Variants in CAST observed in about 807,000 individuals in gnomAD.
The protein encoded by CAST is MIR583 host.
Under a neutral mutation model 119.6 loss-of-function variants are expected in CAST, and 76 were observed. The ratio of observed to expected loss-of-function variants is 0.64; its 90% confidence interval spans 0.53 to 0.77. The LOEUF is 0.77. Among genes scored for constraint, CAST ranks in the 30% least tolerant of loss-of-function variants. CAST has a pLI of 0.00. For missense variants in CAST, 953 were observed against 946.5 expected, an observed-to-expected ratio of 1.01 and a Z score of -0.09; for synonymous variants, 319 against 331.6, an observed-to-expected ratio of 0.96 and a Z score of 0.41.
the CAST span, among the ~76,000 whole-genome samples, chr5:96,495,123 A>C: frequency 0.015 from 1,110 of 75,370 alleles, 7 homozygotes; most frequent in African/African-American, 0.052. Context: ...AGACTGTCTC[A>C]AAAAAAAAAA....
intron 1 of CAST, among the ~76,000 whole-genome samples, chr5:96,550,968 A>T (rs778206379): frequency 4.1e-4 from 62 of 152,244 alleles, no homozygotes; most frequent in Non-Finnish European, 2.2e-4. Flanking sequence ...CACGGGGGGA[A>T]TGGAACCAAG....
intron 2 of CAST, among the ~76,000 whole-genome samples, chr5:96,683,058 G>A (rs1417883319): frequency 6.6e-6 from 1 of 152,120 alleles, no homozygotes; most frequent in African/African-American, 2.4e-5. Context: ...TCTTTGACTT[G>A]GGTTAGAAAG....
chr5:96,587,277 T>C (rs767370634), intron 1 of CAST, among the ~76,000 whole-genome samples: 4 of 152,148 alleles, frequency 2.6e-5, no homozygotes, highest in Non-Finnish European at 5.9e-5. Context: ...GCTCAGAAGG[T>C]CTATAGCATG....
the CAST span, among the ~76,000 whole-genome samples, chr5:96,464,191 A>G: frequency 6.6e-6 from 1 of 152,064 alleles, no homozygotes; most frequent in East Asian, 1.9e-4. Flanking sequence ...AGAAAAAAAA[A>G]CTACAGAAAA....
chr5:96,079,272 A>G, the CAST span: 5 of 351,284 alleles, frequency 1.4e-5, no homozygotes, highest in East Asian at 3.9e-4. Context: ...CTGAGCTCCC[A>G]CTTACCAAAT....
At chr5:96,203,189 T>C in the CAST span, among the ~76,000 whole-genome samples, 8 of 151,992 alleles carry the variant, frequency 5.3e-5, no homozygotes, top group Non-Finnish European at 8.8e-5. Context: ...TTTCCACATA[T>C]GCCCTTAAAT....
At chr5:96,563,065 G>A (rs261998) in intron 1 of CAST, among the ~76,000 whole-genome samples, 44,777 of 152,042 alleles carry the variant, frequency 0.29, 7,499 homozygotes, top group Middle Eastern at 0.43. Flanking sequence ...AAACATCCTT[G>A]ACTCTGAAGA....
chr5:96,114,180 A>T, the CAST span, among the ~76,000 whole-genome samples: 1 of 151,708 alleles, frequency 6.6e-6, no homozygotes, highest in Non-Finnish European at 1.5e-5. Context: ...AAGGAAAAGT[A>T]TTCTGGAGAC....
At chr5:96,011,398 T>G in the CAST span, among the ~76,000 whole-genome samples, 1 of 152,138 alleles carries the variant, frequency 6.6e-6, no homozygotes, top group Non-Finnish European at 1.5e-5. Context: ...AGTAATAAAA[T>G]GTAAAGTCCT....
chr5:96,011,188 T>C, the CAST span, among the ~76,000 whole-genome samples: 5 of 152,324 alleles, frequency 3.3e-5, no homozygotes, highest in East Asian at 9.6e-4. Context: ...ACTTTTTGAT[T>C]ATGAAATTTC....
At chr5:96,234,951 T>C in the CAST span, among the ~76,000 whole-genome samples, 1 of 152,210 alleles carries the variant, frequency 6.6e-6, no homozygotes, top group South Asian at 2.1e-4. Flanking sequence ...ATTATCATAA[T>C]GAAGATACCA....
At chr5:96,743,879 C>T in intron 16 of CAST, 1 of 612,058 alleles carries the variant, frequency 1.6e-6, no homozygotes, top group Non-Finnish European at 2.8e-6. Context: ...AGTCAGGAGG[C>T]CAAGCTGAGT....
chr5:96,003,374 T>G, the CAST span, among the ~76,000 whole-genome samples: 1 of 151,744 alleles, frequency 6.6e-6, no homozygotes, highest in East Asian at 1.9e-4. Context: ...CCGTCTCTAC[T>G]AAAAATATGA....
chr5:96,686,030 A>C (rs1423923062), intron 2 of CAST, among the ~76,000 whole-genome samples: 1 of 152,128 alleles, frequency 6.6e-6, no homozygotes, highest in East Asian at 1.9e-4. Flanking sequence ...TATTGTGGGA[A>C]TACAGTAGAG....
At chr5:96,000,072 C>T in the CAST span, among the ~76,000 whole-genome samples, 6 of 152,072 alleles carry the variant, frequency 3.9e-5, no homozygotes, top group African/African-American at 1.4e-4. Context: ...AATATCTGCT[C>T]ATATATTTTA....
At chr5:96,518,456 A>C in the CAST span, among the ~76,000 whole-genome samples, 1 of 152,318 alleles carries the variant, frequency 6.6e-6, no homozygotes, top group South Asian at 2.1e-4. Context: ...GCTTTGAATA[A>C]ATTTTACCCT....
chr5:96,226,080 G>A, the CAST span, among the ~76,000 whole-genome samples: 1 of 152,082 alleles, frequency 6.6e-6, no homozygotes, highest in Non-Finnish European at 1.5e-5. Flanking sequence ...CTCAGACAGG[G>A]AGATAAATAA....
intron 1 of CAST, among the ~76,000 whole-genome samples, chr5:96,602,911 G>A (rs12110213): frequency 0.083 from 12,633 of 152,204 alleles, 601 homozygotes; most frequent in African/African-American, 0.14. Flanking sequence ...GTCATTCCAG[G>A]AGGAGGGATC....
At chr5:96,453,290 G>A in the CAST span, among the ~76,000 whole-genome samples, 2 of 152,124 alleles carry the variant, frequency 1.3e-5, no homozygotes, top group East Asian at 3.8e-4. Flanking sequence ...CATTAACTTA[G>A]GCAGAGTTAC....
Sources: gnomAD v4.1 joint callset for allele counts (sites outside exome capture counted in the v4.1 genomes callset) on GRCh38, gnomAD v4.1.1 for gene constraint, MANE v1.5 for transcripts, NCBI Gene and HGNC (gene_info 2026-07-23, HGNC 2026-07-21) for gene names.